Variants in SLC24A2 observed in about 807,000 individuals in gnomAD.
The protein encoded by SLC24A2 is solute carrier family 24 member 2.
Under a neutral mutation model 62.0 loss-of-function variants are expected in SLC24A2, and 36 were observed. The observed-to-expected ratio is 0.58, with a 90% CI of 0.44 to 0.77. SLC24A2 has a LOEUF of 0.77. Among genes scored for constraint, SLC24A2 ranks in the 30% least tolerant of loss-of-function variants. The pLI is 0.00. For synonymous variants in SLC24A2, 358 were observed against 294.0 expected, an observed-to-expected ratio of 1.22 and a Z score of -2.23; for missense variants, 846 against 817.9, an observed-to-expected ratio of 1.03 and a Z score of -0.42.
At chr9:20,063,926 C>G in the SLC24A2 span, among the ~76,000 whole-genome samples, 2 of 152,160 alleles carry the variant, frequency 1.3e-5, no homozygotes, top group Admixed American at 1.3e-4. Context: ...TTAGCAGTTT[C>G]TTAAAAAGTT....
the SLC24A2 span, among the ~76,000 whole-genome samples, chr9:19,912,777 C>T: frequency 6.6e-6 from 1 of 152,102 alleles, no homozygotes; most frequent in Non-Finnish European, 1.5e-5. Flanking sequence ...TCTTCATTTG[C>T]CTAATTGATA....
At chr9:19,943,897 A>C in the SLC24A2 span, among the ~76,000 whole-genome samples, 2 of 152,214 alleles carry the variant, frequency 1.3e-5, no homozygotes, top group Non-Finnish European at 2.9e-5. Flanking sequence ...GGAATAGAAA[A>C]ATGATTTTTA....
chr9:19,509,556 AAAT>A lies in SLC24A2; in HGVS notation c.*6594_*6596del, dbSNP rs1832635706. ...AAGTACTATAAAGTGCAATATTAAA[AAAT>A]TAAAAAACCCAAAAGGCATCCATTG... On this transcript the variant is annotated 3_prime_UTR_variant, in exon 11 of 11. Coordinates refer to ENST00000341998, the MANE Select transcript of SLC24A2 (RefSeq NM_020344.4). 2 of 152,228 alleles carry A rather than the reference AAAT, an allele frequency of 1.3e-5. No individual in the cohort carries two copies. Among genetic ancestry groups the A allele is most frequent in the Admixed American group, 6.5e-5 (1 of 15,270 alleles). The allele number at this position is 152,228 out of a possible 1,614,324, so 9.4% of individuals were successfully genotyped here.
At chr9:19,923,750 TA>T in the SLC24A2 span, among the ~76,000 whole-genome samples, 1 of 152,262 alleles carries the variant, frequency 6.6e-6, no homozygotes, top group Non-Finnish European at 1.5e-5. Context: ...TCTTTCTTTT[TA>T]CTTTTTTTCT....
chr9:20,151,584 C>T, the SLC24A2 span, among the ~76,000 whole-genome samples: 1 of 151,844 alleles, frequency 6.6e-6, no homozygotes, highest in African/African-American at 2.4e-5. Flanking sequence ...AGGCATGCAT[C>T]ACTCTACCTT....
At chr9:19,794,432 T>A in the SLC24A2 span, among the ~76,000 whole-genome samples, 2 of 151,770 alleles carry the variant, frequency 1.3e-5, no homozygotes, top group Non-Finnish European at 2.9e-5. Context: ...AAGGGAACAA[T>A]AAACATGGAG....
chr9:19,677,501 G>A (rs1269171805), intron 2 of SLC24A2, among the ~76,000 whole-genome samples: 4 of 152,172 alleles, frequency 2.6e-5, no homozygotes, highest in Admixed American at 2.6e-4. Context: ...ATACCTGGGT[G>A]ATGAAATAAT....
chr9:19,682,086 T>C (rs1443878829), intron 2 of SLC24A2, among the ~76,000 whole-genome samples: 2 of 152,160 alleles, frequency 1.3e-5, no homozygotes, highest in African/African-American at 4.8e-5. Flanking sequence ...CATGGGTTAA[T>C]GGGAACTGGG....
the SLC24A2 span, among the ~76,000 whole-genome samples, chr9:20,029,616 TG>T: frequency 6.6e-6 from 1 of 152,184 alleles, no homozygotes; most frequent in Non-Finnish European, 1.5e-5. Flanking sequence ...CACCTATACT[TG>T]TGAAATGTCA....
At chr9:19,627,323 G>A (rs1482865456) in intron 2 of SLC24A2, among the ~76,000 whole-genome samples, 1 of 152,208 alleles carries the variant, frequency 6.6e-6, no homozygotes, top group East Asian at 1.9e-4. Flanking sequence ...AAATATTTGA[G>A]ATAGTAGAAA....
chr9:19,822,838 A>G, the SLC24A2 span, among the ~76,000 whole-genome samples: 1 of 152,194 alleles, frequency 6.6e-6, no homozygotes, highest in Non-Finnish European at 1.5e-5. Flanking sequence ...TTAACACATT[A>G]AAATGATAAG....
intron 2 of SLC24A2, among the ~76,000 whole-genome samples, chr9:19,744,273 A>G (rs183858984): frequency 3.9e-5 from 6 of 152,178 alleles, no homozygotes; most frequent in East Asian, 1.9e-4. Flanking sequence ...CTCCCTCACC[A>G]TATCTAGGGA....
At chr9:19,642,371 C>T (rs1818521592) in intron 2 of SLC24A2, among the ~76,000 whole-genome samples, 1 of 152,174 alleles carries the variant, frequency 6.6e-6, no homozygotes, top group African/African-American at 2.4e-5. Flanking sequence ...ATCAGTCTGG[C>T]AGGGGCCAGA....
chr9:20,047,588 G>A, the SLC24A2 span, among the ~76,000 whole-genome samples: 1 of 141,408 alleles, frequency 7.1e-6, no homozygotes, highest in African/African-American at 2.6e-5. Flanking sequence ...CCATGAGGAA[G>A]TGGGCCCTCA....
At chr9:19,687,808 G>A (rs1037529542) in intron 2 of SLC24A2, among the ~76,000 whole-genome samples, 1 of 151,986 alleles carries the variant, frequency 6.6e-6, no homozygotes, top group African/African-American at 2.4e-5. Context: ...CTATAATTTG[G>A]GTGACAAATG....
At chr9:20,066,992 C>T in the SLC24A2 span, among the ~76,000 whole-genome samples, 5 of 152,120 alleles carry the variant, frequency 3.3e-5, no homozygotes, top group Admixed American at 3.3e-4. Flanking sequence ...TCACCTGAAA[C>T]ATATCAATAA....
the SLC24A2 span, among the ~76,000 whole-genome samples, chr9:19,894,666 C>A: frequency 6.6e-6 from 1 of 152,004 alleles, no homozygotes; most frequent in African/African-American, 2.4e-5. Flanking sequence ...ATCCTTTTCT[C>A]TTCCAGGATG....
the SLC24A2 span, among the ~76,000 whole-genome samples, chr9:19,905,130 G>A: frequency 6.6e-6 from 1 of 152,140 alleles, no homozygotes; most frequent in Non-Finnish European, 1.5e-5. Context: ...GCTTAGAGAG[G>A]TGTCATTCAG....
chr9:19,602,237 T>C (rs1836861623), intron 4 of SLC24A2, among the ~76,000 whole-genome samples: 1 of 152,224 alleles, frequency 6.6e-6, no homozygotes. Flanking sequence ...AGGAGCTTTG[T>C]GCTATGCCTG....
Sources: gnomAD v4.1 joint callset for allele counts (sites outside exome capture counted in the v4.1 genomes callset) on GRCh38, gnomAD v4.1.1 for gene constraint, MANE v1.5 for transcripts, NCBI Gene and HGNC (gene_info 2026-07-23, HGNC 2026-07-21) for gene names.